PER2: variants seen among roughly 807,000 people sequenced by gnomAD.
The protein encoded by PER2 is period circadian regulator 2, also known as period circadian protein homolog 2.
In PER2, 66 loss-of-function variants were observed where a neutral mutation model predicts 121.0. The observed-to-expected ratio is 0.55, with a 90% CI of 0.45 to 0.67. PER2 has a LOEUF of 0.67. PER2 is among the 30% of genes least tolerant of loss of function. PER2 has a pLI of 0.00. For synonymous variants in PER2, 684 were observed against 659.9 expected, an observed-to-expected ratio of 1.04 and a Z score of -0.56; for missense variants, 1,521 against 1,635.0, an observed-to-expected ratio of 0.93 and a Z score of 1.20.
rs1695975550 is a variant in PER2, at chr2:238,262,807, A to C, written c.1153+145T>G. 2.6e-5 allele frequency: 18 copies of C among 691,594 alleles called. No homozygotes were observed. The Admixed American group carries it at 3.7e-4, about 14-fold the overall frequency. The allele number at this position is 691,594 out of a possible 1,614,324, so 42.8% of individuals were successfully genotyped here. A position where few individuals can be genotyped will look rare whatever the true frequency, so the allele number is the denominator to read the frequency against. ...CTCCACTGGGCACTGCAGTGCCAGG[A>C]GGGAGGCGGCGAGGCGGGCGTCTAC... On this transcript the variant is annotated intron_variant, in intron 10 of 22. Transcript: ENST00000254657.
rs780307676 is a variant in PER2, at chr2:238,246,449, G to C, written c.3694C>G (p.Leu1232Val). 6.2e-7 allele frequency: 1 copy of C among 1,606,556 alleles called. No individual in the cohort carries two copies. The part of the protein sequence containing the change: ...PYEEDIPSLG[L>V]SEVSDTKEDE... ...TCTTTGGTGTCCGACACTTCGCTGA[G>C]TCCCAGAGAAGGAATATCTTCCTCA... Residue 1232 changes from leucine (L) to valine (V), a missense_variant, in exon 23 of 23, where the codon CTC (leucine) becomes GTC (valine). Transcript: ENST00000254657.
Position 238,251,638 on chromosome 2 carries a change from A to T in PER2, c.3235T>A (p.Ser1079Thr). The stretch of plus-strand genomic sequence containing the variant: ...GAGGCGTCGCAGCCCAGTGAGCCGG[A>T]GCCCAGAGACTCCGAAGCAGCAGAG... ...SGSAASESLG[S>T]GSLGCDASPS... Residue 1079 changes from serine (S) to threonine (T), a missense_variant, in exon 20 of 23, where the codon TCC becomes ACC. Transcript: ENST00000254657. 1 of 1,614,192 alleles carries T rather than the reference A, an allele frequency of 6.2e-7. No homozygotes were observed. The highest frequency in any genetic ancestry group is 1.1e-5 in the South Asian group (1 of 91,084).
At chr2:238,251,550 T>G in intron 20 of PER2, 49 bp downstream of exon 20, 1 of 1,563,596 alleles carries the variant, frequency 6.4e-7, no homozygotes, top group Non-Finnish European at 8.8e-7. Flanking sequence ...GAGCAGTGCA[T>G]CCTGCAGGAA....
intron 22 of PER2, 132 bp from the exon 23 acceptor site, chr2:238,246,656 CACG>C: frequency 3.4e-6 from 2 of 596,040 alleles, no homozygotes; most frequent in South Asian, 1.6e-5. Flanking sequence ...GCGGGCAGAT[CACG>C]ACGTCAGGAG....
chr2:238,297,901 C>T, the PER2 span, among the ~76,000 whole-genome samples: 6 of 152,172 alleles, frequency 3.9e-5, no homozygotes, highest in East Asian at 5.8e-4. Flanking sequence ...GGACATGCCG[C>T]GTGTCTGGCT....
In PER2 at chr2:238,260,841, C is replaced by T. The variant is rs1489389767; in HGVS notation, c.1529G>A (p.Arg510His). The T allele has an allele frequency of 2.5e-6, 4 of 1,614,022 alleles. No homozygotes were observed. Among genetic ancestry groups the T allele is most frequent in the African/African-American group, 1.3e-5 (1 of 74,938 alleles). ...AAGGAGACGTACGGCTCTCCTCCGG[C>T]GTGAGTCCTCATGGCCGTTGCTGTC... Reference protein sequence around the residue: ...SSDSNGHEDSRRRRAEICKNG... With the variant: ...SSDSNGHEDSHRRRAEICKNG... Residue 510 changes from arginine to histidine, a missense_variant, in exon 13 of 23, where the codon CGC becomes CAC. By Grantham distance (29) the Arg-to-His change is conservative. Transcript: ENST00000254657.
At chr2:238,286,567 G>A (rs548618982) in intron 1 of PER2, among the ~76,000 whole-genome samples, 3 of 152,206 alleles carry the variant, frequency 2.0e-5, no homozygotes, top group Non-Finnish European at 4.4e-5. Context: ...ATTCTCCCTT[G>A]GTTCCCAAGG....
chr2:238,279,990 G>T (rs373956056), intron 1 of PER2, among the ~76,000 whole-genome samples: 1 of 152,234 alleles, frequency 6.6e-6, no homozygotes, highest in Non-Finnish European at 1.5e-5. Context: ...CTACCACCAG[G>T]AAGATGCTTC....
intron 4 of PER2, 101 bp downstream of exon 4, chr2:238,275,642 G>A (rs1197655474): frequency 2.3e-6 from 3 of 1,316,072 alleles, no homozygotes; most frequent in Non-Finnish European, 3.3e-6. Context: ...GAGCTGCGAT[G>A]AGCCTCGAGT....
intron 12 of PER2, 52 bp downstream of exon 12, chr2:238,261,676 AG>A: frequency 8.7e-7 from 1 of 1,149,808 alleles, no homozygotes; most frequent in East Asian, 2.6e-5. Context: ...TGTCCTCTGC[AG>A]GGGGCTCTCA....
rs748851048 is a variant in PER2, at chr2:238,262,264, T to C, written c.1234A>G (p.Thr412Ala). ...ARNGEYITLD[T>A]SWSSFINPWS... Reference sequence around the variant, plus strand: ...GGGTTGATGAAGCTGGACCAGCTGGTGTCCAACGTGATGTACTCTCCGTTC... The same window carrying C: ...GGGTTGATGAAGCTGGACCAGCTGGCGTCCAACGTGATGTACTCTCCGTTC... Residue 412 changes from threonine (T) to alanine (A), a missense_variant, in exon 11 of 23, where the codon ACC becomes GCC. Transcript: ENST00000254657. 1.9e-6 allele frequency: 3 copies of C among 1,613,896 alleles called. No homozygotes were observed. The highest frequency in any genetic ancestry group is 2.5e-6 in the Non-Finnish European group (3 of 1,179,844).
At chr2:238,256,305 G>A (rs1695758710) in intron 17 of PER2, among the ~76,000 whole-genome samples, 1 of 152,210 alleles carries the variant, frequency 6.6e-6, no homozygotes, top group Non-Finnish European at 1.5e-5. Flanking sequence ...ATGGGCCCAT[G>A]GGGCAGACAG....
At chr2:238,283,140 A>G (rs1696679355) in intron 1 of PER2, among the ~76,000 whole-genome samples, 1 of 152,232 alleles carries the variant, frequency 6.6e-6, no homozygotes, top group African/African-American at 2.4e-5. Flanking sequence ...CTTGCTGGAC[A>G]GGAGGCAAGG....
intron 22 of PER2, 171 bp downstream of exon 22, chr2:238,248,891 G>A (rs927406693): frequency 6.0e-5 from 44 of 729,900 alleles, no homozygotes; most frequent in Middle Eastern, 3.2e-4. Flanking sequence ...TCCTGACCTC[G>A]TGATCCACCC....
At chr2:238,282,820 G>A (rs1489782054) in intron 1 of PER2, among the ~76,000 whole-genome samples, 2 of 152,260 alleles carry the variant, frequency 1.3e-5, no homozygotes, top group Admixed American at 1.3e-4. Context: ...GGGAATTGAG[G>A]GGCTGGGAGT....
chr2:238,281,524 C>A (rs566052948), intron 1 of PER2, among the ~76,000 whole-genome samples: 9 of 152,158 alleles, frequency 5.9e-5, no homozygotes, highest in Non-Finnish European at 1.0e-4. Context: ...GCAGTTCTAG[C>A]AAATTCAATG....
chr2:238,289,449 T>C (rs1244641116), upstream of PER2: 1 of 152,224 alleles, frequency 6.6e-6, no homozygotes, highest in African/African-American at 2.4e-5. Flanking sequence ...ACCTTTCTTA[T>C]TTTTGAGACC....
In PER2 at chr2:238,262,224, AT is replaced by A; in HGVS notation, c.1273del (p.Ile425SerfsTer15). On this transcript the variant is annotated frameshift_variant, in exon 11 of 23. Coordinates refer to ENST00000254657, the MANE Select transcript of PER2 (RefSeq NM_022817.3). LOFTEE classifies it high-confidence loss of function. ...SSFINPWSRK[I>X]SFIIGRHKVR... Reference sequence around the variant, plus strand: ...TTTGTGCCTCCCAATGATGAAGGAGATTTTCCTGCTCCATGGGTTGATGAAG... The same window carrying A: ...TTTGTGCCTCCCAATGATGAAGGAGATTTCCTGCTCCATGGGTTGATGAAG... 6.2e-7 allele frequency: 1 copy of A among 1,613,846 alleles called. No homozygotes were observed. The highest frequency in any genetic ancestry group is 2.2e-5 in the East Asian group (1 of 44,854).
Position 238,268,809 on chromosome 2 carries a change from G to A in PER2, c.824+114C>T, listed in dbSNP as rs1696193051. On this transcript the variant is annotated intron_variant, in intron 7 of 22. Transcript: ENST00000254657. The surrounding 1 kb of genome is among the most constrained non-coding windows in gnomAD (Gnocchi z 4.0). ...TGTTTTCTGGTAGACTTCAGAAACAGGCGTGCTGAGTCCCTGCAGGCAGGG... is the reference window on the plus strand; with the variant it reads ...TGTTTTCTGGTAGACTTCAGAAACAAGCGTGCTGAGTCCCTGCAGGCAGGG... 1.3e-6 allele frequency: 1 copy of A among 776,566 alleles called. No individual in the cohort carries two copies. The highest frequency in any genetic ancestry group is 2.3e-6 in the Non-Finnish European group (1 of 432,890). The allele number at this position is 776,566 out of a possible 1,614,324, so 48.1% of individuals were successfully genotyped here. A position where few individuals can be genotyped will look rare whatever the true frequency, so the allele number is the denominator to read the frequency against.
Sources: gnomAD v4.1 joint callset for allele counts (sites outside exome capture counted in the v4.1 genomes callset) on GRCh38, gnomAD v4.1.1 for gene constraint, Gnocchi (gnomAD v3.1) non-coding constraint, MANE v1.5 for transcripts, NCBI Gene and HGNC (gene_info 2026-07-23, HGNC 2026-07-21) for gene names.